The following CISD2 variants were observed in gnomAD, a reference collection of about 807,000 sequenced individuals.
The protein encoded by CISD2 is CDGSH iron-sulfur domain-containing protein 2.
Under a neutral mutation model 12.9 loss-of-function variants are expected in CISD2, and 1 was observed. That is an observed-to-expected ratio of 0.08 (90% CI 0.03 to 0.37). The LOEUF is 0.37. CISD2 is among the 10% of genes least tolerant of loss of function. The pLI, the probability that CISD2 is intolerant of heterozygous loss-of-function variation, is 0.99. For synonymous variants in CISD2, 50 were observed against 60.6 expected, an observed-to-expected ratio of 0.83 and a Z score of 0.81; for missense variants, 97 against 163.1, an observed-to-expected ratio of 0.59 and a Z score of 2.21.
rs772668986 is a variant in CISD2 at position 102,869,402 on chromosome 4, C to T, written c.103+215C>T. Reference sequence around the variant, plus strand: ...TTGATGCCCCAGGGTCTTTTGTCCTCGGAGTTGTCTCCGGTGTCATTCCGT... The same window carrying T: ...TTGATGCCCCAGGGTCTTTTGTCCTTGGAGTTGTCTCCGGTGTCATTCCGT... On this transcript the variant is annotated intron_variant, in intron 1 of 2. Transcript: ENST00000273986. The T allele has an allele frequency of 5.5e-6, 4 of 721,164 alleles. No homozygotes were observed. The East Asian group carries it at 8.0e-5, about 14-fold the overall frequency. The allele number at this position is 721,164 out of a possible 1,614,324, so 44.7% of individuals were successfully genotyped here. A position where few individuals can be genotyped will look rare whatever the true frequency, so the allele number is the denominator to read the frequency against.
At chr4:102,884,644 A>T (rs17033377) in intron 1 of CISD2, among the ~76,000 whole-genome samples, 6,471 of 152,284 alleles carry the variant, frequency 0.042, 271 homozygotes, top group East Asian at 0.18. Flanking sequence ...AATTAGATAT[A>T]TCTTAAAATG....
At chr4:102,872,297 T>A (rs918401287) in intron 1 of CISD2, among the ~76,000 whole-genome samples, 1 of 152,196 alleles carries the variant, frequency 6.6e-6, no homozygotes, top group Non-Finnish European at 1.5e-5. Context: ...CTTGAACTCC[T>A]GACCTCAGGT....
At chr4:102,878,171 T>G (rs1733634000) in intron 1 of CISD2, among the ~76,000 whole-genome samples, 1 of 152,132 alleles carries the variant, frequency 6.6e-6, no homozygotes, top group Non-Finnish European at 1.5e-5. Context: ...AGTCTCACAC[T>G]GTCACCCAAG....
chr4:102,874,684 G>A (rs1256259045), intron 1 of CISD2: 4 of 152,070 alleles, frequency 2.6e-5, no homozygotes, highest in African/African-American at 9.7e-5. Flanking sequence ...GAGTGAATAC[G>A]TTTCTGTTGT....
intron 2 of CISD2, among the ~76,000 whole-genome samples, chr4:102,886,165 T>A (rs1733899983): frequency 6.6e-6 from 1 of 152,164 alleles, no homozygotes; most frequent in African/African-American, 2.4e-5. Context: ...GAAAGCATAT[T>A]ACAGTGTGAT....
At chr4:102,879,887 G>C (rs913406393) in intron 1 of CISD2, among the ~76,000 whole-genome samples, 2 of 152,180 alleles carry the variant, frequency 1.3e-5, no homozygotes, top group African/African-American at 2.4e-5. Context: ...TGGGGACACA[G>C]ATGATCAGAC....
intron 1 of CISD2, among the ~76,000 whole-genome samples, chr4:102,873,216 C>T (rs1404911704): frequency 6.6e-6 from 1 of 152,130 alleles, no homozygotes; most frequent in Non-Finnish European, 1.5e-5. Flanking sequence ...GGACACAAAG[C>T]CTGACCAAAT....
At chr4:102,871,631 C>T (rs754381004) in intron 1 of CISD2, among the ~76,000 whole-genome samples, 9 of 152,154 alleles carry the variant, frequency 5.9e-5, no homozygotes, top group East Asian at 1.9e-4. Context: ...TTTCCACTCT[C>T]GGTCTCCCAT....
At chr4:102,876,535 G>A (rs1560902714) in intron 1 of CISD2, among the ~76,000 whole-genome samples, 1 of 152,168 alleles carries the variant, frequency 6.6e-6, no homozygotes, top group Non-Finnish European at 1.5e-5. Context: ...AGATCATGAG[G>A]TCAGGAGATC....
intron 1 of CISD2, among the ~76,000 whole-genome samples, chr4:102,876,698 C>A (rs1352523050): frequency 6.6e-6 from 1 of 151,772 alleles, no homozygotes; most frequent in Non-Finnish European, 1.5e-5. Flanking sequence ...TGCAGTGAGC[C>A]AAGATCATGC....
At position 102,881,600 on chromosome 4, in the gene CISD2, T is replaced by TA. The variant is rs1318931191; in HGVS notation, c.104-3615dup. Among the ~76,000 whole-genome samples, 13 of 152,374 alleles carry TA rather than the reference T, an allele frequency of 8.5e-5. No individual in the cohort carries two copies. In the South Asian group the frequency reaches 1.0e-3, roughly 12 times the overall value. On this transcript the variant is annotated intron_variant, in intron 1 of 2. Transcript: ENST00000273986. ...CAAAAACAGCCTGAATAAATGTACT[T>TA]ACAGTCATTTGAATTGAGCTTTTCA...
At chr4:102,870,014 G>T (rs1222380565) in intron 1 of CISD2, among the ~76,000 whole-genome samples, 1 of 152,174 alleles carries the variant, frequency 6.6e-6, no homozygotes, top group South Asian at 2.1e-4. Flanking sequence ...TTGTAAGGGG[G>T]ATATTTCTAA....
intron 1 of CISD2, among the ~76,000 whole-genome samples, chr4:102,881,832 T>A (rs1435593621): frequency 2.6e-5 from 4 of 152,176 alleles, no homozygotes; most frequent in Non-Finnish European, 5.9e-5. Flanking sequence ...TTTAAAACAG[T>A]AGTAATACCA....
chr4:102,878,140 C>T (rs573937033), intron 1 of CISD2, among the ~76,000 whole-genome samples: 24 of 103,496 alleles, frequency 2.3e-4, no homozygotes, highest in South Asian at 1.0e-3. Context: ...TTTGGGGGGG[C>T]GGGGGGAAGG....
chr4:102,872,180 T>C (rs1733471006), intron 1 of CISD2, among the ~76,000 whole-genome samples: 3 of 152,214 alleles, frequency 2.0e-5, no homozygotes, highest in Admixed American at 6.5e-5. Flanking sequence ...GCGATGCTTA[T>C]GCCTCAGCCT....
chr4:102,889,568 A>G lies in CISD2; in HGVS notation c.*2138A>G, dbSNP rs1206446257. 2.0e-5 allele frequency: 3 copies of G among 152,270 alleles called. No homozygotes were observed. Among genetic ancestry groups the G allele is most frequent in the African/African-American group, 7.2e-5 (3 of 41,476 alleles). The allele number at this position is 152,270 out of a possible 1,614,324, so 9.4% of individuals were successfully genotyped here. ...TTTTGTCAAATAACATTGAAAATGA[A>G]TTATCTCATAAAAGGTAATTTTAAT... On this transcript the variant is annotated 3_prime_UTR_variant, in exon 3 of 3. Transcript: ENST00000273986.
rs1057520144 is a variant in CISD2, at chr4:102,885,336, T to C, written c.224T>C (p.Ile75Thr). 6.2e-7 allele frequency: 1 copy of C among 1,614,028 alleles called. No individual in the cohort carries two copies. The highest frequency in any genetic ancestry group is 1.7e-5 in the Admixed American group (1 of 60,024). Reference sequence around the variant, plus strand: ...AAGGATAGCTTGATTAATCTTAAAATACAAAAGGAAAATCCGAAAGTAGTG... The same window carrying C: ...AAGGATAGCTTGATTAATCTTAAAACACAAAAGGAAAATCCGAAAGTAGTG... ...QQKDSLINLK[I>T]QKENPKVVNE... Residue 75 changes from isoleucine to threonine, a missense_variant, in exon 2 of 3, where the codon ATA (isoleucine) becomes ACA (threonine). By Grantham distance (89) the Ile-to-Thr change is moderately conservative. Around this residue, in one of 2 missense-constraint regions of CISD2, gnomAD observed 89 missense variants for 114.4 expected, o/e 0.78. Transcript: ENST00000273986.
intron 2 of CISD2, among the ~76,000 whole-genome samples, chr4:102,886,002 C>G (rs1363413466): frequency 1.3e-5 from 2 of 152,108 alleles, no homozygotes; most frequent in Non-Finnish European, 2.9e-5. Context: ...GTTTCTTGTA[C>G]TTGATCATAG....
intron 1 of CISD2, among the ~76,000 whole-genome samples, chr4:102,876,551 C>T (rs1325708973): frequency 2.6e-5 from 4 of 152,074 alleles, no homozygotes; most frequent in African/African-American, 9.7e-5. Context: ...AGATCGAGAC[C>T]ATCCTGGTCA....
Sources: allele counts gnomAD v4.1 joint callset (sites outside exome capture counted in the v4.1 genomes callset), GRCh38; gene constraint gnomAD v4.1.1; regional missense constraint gnomAD v4.1.1; transcripts MANE v1.5; gene names NCBI Gene and HGNC (gene_info 2026-07-23, HGNC 2026-07-21).